Variants in MECOM observed in about 807,000 individuals in gnomAD.
MECOM encodes histone-lysine N-methyltransferase MECOM.
Under a neutral mutation model 116.3 loss-of-function variants are expected in MECOM, and 13 were observed. The ratio of observed to expected loss-of-function variants is 0.11; its 90% confidence interval spans 0.07 to 0.18. MECOM has a LOEUF of 0.18. MECOM is among the 10% of genes least tolerant of loss of function. The pLI, the probability that MECOM is intolerant of heterozygous loss-of-function variation, is 1.00. For missense variants in MECOM, 1,299 were observed against 1,509.0 expected (o/e 0.86, Z 2.31); for synonymous variants, 528 against 535.2 (o/e 0.99, Z 0.19).
At chr3:169,094,483 G>A (rs540680499) in intron 13 of MECOM, among the ~76,000 whole-genome samples, 68 of 152,278 alleles carry the variant, frequency 4.5e-4, no homozygotes, top group Middle Eastern at 3.4e-3. Context: ...TCCCAGTTAA[G>A]AAAAGTCTAG....
At chr3:169,484,297 G>A (rs1348334937) in intron 1 of MECOM, among the ~76,000 whole-genome samples, 1 of 152,044 alleles carries the variant, frequency 6.6e-6, no homozygotes, top group Admixed American at 6.6e-5. Flanking sequence ...AAGAAAGAAA[G>A]AGGAGATAAA....
chr3:169,321,129 G>A (rs1720779505), intron 2 of MECOM, among the ~76,000 whole-genome samples: 1 of 152,190 alleles, frequency 6.6e-6, no homozygotes, highest in African/African-American at 2.4e-5. Context: ...TCATATCTAA[G>A]ACACTGGAAG....
chr3:169,389,049 T>TG (rs1185778951), intron 1 of MECOM, among the ~76,000 whole-genome samples: 1 of 152,208 alleles, frequency 6.6e-6, no homozygotes, highest in African/African-American at 2.4e-5. Flanking sequence ...CTCCTGGTAT[T>TG]GCGGCATACT....
intron 2 of MECOM, among the ~76,000 whole-genome samples, chr3:169,330,378 A>T (rs1490009792): frequency 6.6e-6 from 1 of 152,168 alleles, no homozygotes; most frequent in African/African-American, 2.4e-5. Context: ...GAAGAGGGAA[A>T]GTCTTTGCAA....
chr3:169,522,194 T>C (rs1370996945), intron 1 of MECOM, among the ~76,000 whole-genome samples: 1 of 152,230 alleles, frequency 6.6e-6, no homozygotes, highest in Admixed American at 6.5e-5. Context: ...CTCAATCATG[T>C]AGCTCATGTT....
chr3:169,643,873 A>G (rs1773804312), intron 1 of MECOM, among the ~76,000 whole-genome samples: 1 of 152,214 alleles, frequency 6.6e-6, no homozygotes, highest in Non-Finnish European at 1.5e-5. Flanking sequence ...ATGTCTCTCA[A>G]CTAGAGATAC....
At chr3:169,217,825 A>T (rs1050548514) in intron 2 of MECOM, among the ~76,000 whole-genome samples, 6 of 138,918 alleles carry the variant, frequency 4.3e-5, no homozygotes, top group African/African-American at 1.5e-4. Context: ...TTTATTTTAC[A>T]AAATAAAATA....
At chr3:169,598,286 A>T (rs2109711058) in intron 1 of MECOM, among the ~76,000 whole-genome samples, 1 of 152,350 alleles carries the variant, frequency 6.6e-6, no homozygotes, top group African/African-American at 2.4e-5. Context: ...ATTTTAAATT[A>T]GCATTAGATG....
At chr3:169,597,742 T>G (rs1200537376) in intron 1 of MECOM, among the ~76,000 whole-genome samples, 1 of 152,156 alleles carries the variant, frequency 6.6e-6, no homozygotes, top group East Asian at 1.9e-4. Context: ...GATTTTGAGT[T>G]CTTGGTGAAG....
rs535754725 is a variant in MECOM at position 169,635,263 on chromosome 3, G to A, written c.37+28073C>T. 1.8e-4 allele frequency among the ~76,000 whole-genome samples: 27 copies of A among 152,312 alleles called. No homozygotes were observed. In the East Asian group the frequency reaches 4.0e-3, roughly 23 times the overall value. ...CATAGGACTATTGCAAAAATTAAAT[G>A]AGTTAATATATTTAAGAGCTTAGAA... On this transcript the variant is annotated intron_variant, in intron 1 of 16. Coordinates refer to ENST00000651503, the MANE Select transcript of MECOM (RefSeq NM_004991.4).
chr3:169,345,695 T>C (rs1248791848), intron 2 of MECOM, among the ~76,000 whole-genome samples: 1 of 152,158 alleles, frequency 6.6e-6, no homozygotes, highest in Non-Finnish European at 1.5e-5. Context: ...TCCACTTTTG[T>C]ACATGCAAGT....
chr3:169,549,918 G>A (rs1215568711), intron 1 of MECOM, among the ~76,000 whole-genome samples: 1 of 152,114 alleles, frequency 6.6e-6, no homozygotes, highest in Non-Finnish European at 1.5e-5. Flanking sequence ...AATCTAGTGG[G>A]CAGACACAGC....
chr3:169,279,844 C>G lies in MECOM; in HGVS notation c.375+101343G>C, dbSNP rs148088327. 1.9e-3 allele frequency among the ~76,000 whole-genome samples: 287 copies of G among 152,240 alleles called. 3 individuals are homozygous for G. Among genetic ancestry groups the G allele is most frequent in the African/African-American group, 6.5e-3 (269 of 41,536 alleles). On this transcript the variant is annotated intron_variant, in intron 2 of 16. Transcript: ENST00000651503. Reference sequence around the variant, plus strand: ...TTCTAACAGAACAGTCTTACTGCCCCCTTTGGCTATTGTCGTTTCTCTTGC... The same window carrying G: ...TTCTAACAGAACAGTCTTACTGCCCGCTTTGGCTATTGTCGTTTCTCTTGC...
chr3:169,205,342 C>T (rs901427634), intron 2 of MECOM, among the ~76,000 whole-genome samples: 1 of 152,054 alleles, frequency 6.6e-6, no homozygotes, highest in Non-Finnish European at 1.5e-5. Flanking sequence ...ATGTTCATTG[C>T]TAAGATTAAG....
At chr3:169,585,149 A>G (rs1456729674) in intron 1 of MECOM, among the ~76,000 whole-genome samples, 2 of 152,218 alleles carry the variant, frequency 1.3e-5, no homozygotes, top group Non-Finnish European at 2.9e-5. Flanking sequence ...AAATCTTTTT[A>G]AAATAGGAGC....
intron 2 of MECOM, among the ~76,000 whole-genome samples, chr3:169,342,440 C>T (rs1023401271): frequency 6.6e-6 from 1 of 152,000 alleles, no homozygotes; most frequent in African/African-American, 2.4e-5. Context: ...TGAAAATGCC[C>T]TAACTCTACC....
At chr3:169,184,268 A>G (rs1273764448) in intron 2 of MECOM, among the ~76,000 whole-genome samples, 2 of 152,134 alleles carry the variant, frequency 1.3e-5, no homozygotes, top group South Asian at 2.1e-4. Flanking sequence ...TTTGCCTGGT[A>G]GAGAAGGTAG....
chr3:169,610,831 A>G (rs976136734), intron 1 of MECOM, among the ~76,000 whole-genome samples: 5 of 152,174 alleles, frequency 3.3e-5, no homozygotes, highest in Non-Finnish European at 7.4e-5. Flanking sequence ...CTTATTCACA[A>G]TATCCCCAGC....
chr3:169,485,956 C>T (rs372392064), intron 1 of MECOM, among the ~76,000 whole-genome samples: 3,969 of 33,594 alleles, frequency 0.12, 118 homozygotes, highest in East Asian at 0.34. Flanking sequence ...TATATATGTA[C>T]ATATATACTA....
Sources: allele counts gnomAD v4.1 joint callset (sites outside exome capture counted in the v4.1 genomes callset), GRCh38; gene constraint gnomAD v4.1.1; transcripts MANE v1.5; gene names NCBI Gene and HGNC (gene_info 2026-07-23, HGNC 2026-07-21).